The following CPLANE1 variants were observed in gnomAD, a reference collection of about 807,000 sequenced individuals.
CPLANE1 encodes the protein ciliogenesis and planar polarity effector 1.
CPLANE1 carries 263 observed loss-of-function variants against 362.5 expected under a neutral mutation model. The ratio of observed to expected loss-of-function variants is 0.73; its 90% CI spans 0.66 to 0.80. The LOEUF is 0.80. CPLANE1 is among the 30% of genes least tolerant of loss of function. The pLI, the probability that CPLANE1 is intolerant of heterozygous loss-of-function variation, is 0.00. For synonymous variants in CPLANE1, 1,212 were observed against 1,302.6 expected (o/e 0.93, Z 1.50); for missense variants, 3,461 against 3,793.4 (o/e 0.91, Z 2.30).
intron 15 of CPLANE1, among the ~76,000 whole-genome samples, chr5:37,219,833 C>T (rs1411629608): frequency 6.6e-6 from 1 of 151,740 alleles, no homozygotes; most frequent in Non-Finnish European, 1.5e-5. Context: ...TGTCAAAAGG[C>T]CCTAGACAAA....
intron 43 of CPLANE1, among the ~76,000 whole-genome samples, chr5:37,147,421 C>T (rs533249972): frequency 3.3e-5 from 5 of 152,150 alleles, no homozygotes; most frequent in East Asian, 3.9e-4. Context: ...AATCATAATG[C>T]GAACTACAAA....
chr5:37,237,613 A>G (rs914844126), intron 8 of CPLANE1, among the ~76,000 whole-genome samples: 14 of 152,214 alleles, frequency 9.2e-5, no homozygotes, highest in Non-Finnish European at 1.6e-4. Flanking sequence ...TTGGGAGGCC[A>G]AGGCGAGTGG....
chr5:37,220,180 C>A (rs924938643), intron 15 of CPLANE1, among the ~76,000 whole-genome samples: 1 of 151,516 alleles, frequency 6.6e-6, no homozygotes, highest in East Asian at 1.9e-4. Context: ...TGAGCCCAGG[C>A]GCCAGAGGTC....
At chr5:37,223,452 T>C (rs1795778976) in intron 14 of CPLANE1, among the ~76,000 whole-genome samples, 1 of 152,232 alleles carries the variant, frequency 6.6e-6, no homozygotes, top group African/African-American at 2.4e-5. Context: ...GCTGGGCACA[T>C]AGCAGGCACT....
chr5:37,147,133 C>T (rs1381233217), intron 43 of CPLANE1, among the ~76,000 whole-genome samples: 1 of 152,100 alleles, frequency 6.6e-6, no homozygotes, highest in East Asian at 1.9e-4. Context: ...AAAATCTGGA[C>T]AACACAATTT....
chr5:37,129,692 A>G (rs1765214682), intron 46 of CPLANE1, among the ~76,000 whole-genome samples: 1 of 152,208 alleles, frequency 6.6e-6, no homozygotes, highest in Admixed American at 6.5e-5. Flanking sequence ...AAAAACCACA[A>G]TGCAATGCCA....
At chr5:37,242,905 T>C in intron 6 of CPLANE1, 108 bp downstream of exon 6, 1 of 678,986 alleles carries the variant, frequency 1.5e-6, no homozygotes, top group Non-Finnish European at 2.5e-6. Context: ...CTCAGGAGGC[T>C]GAGCTATGAT....
intron 21 of CPLANE1, among the ~76,000 whole-genome samples, chr5:37,193,700 T>C (rs944996369): frequency 6.6e-6 from 1 of 152,096 alleles, no homozygotes; most frequent in Non-Finnish European, 1.5e-5. Context: ...TCTACTATTT[T>C]AGGTAACAAA....
At position 37,183,047 on chromosome 5, in the gene CPLANE1, T is replaced by C. The variant is rs748701119; in HGVS notation, c.5134A>G (p.Ile1712Val). The change falls in exon 26 of 53, where the codon ATT (isoleucine) becomes GTT (valine). Residue 1712 changes from isoleucine (I) to valine (V), a missense_variant. Ile to Val is a conservative substitution (Grantham distance 29, BLOSUM62 3). Transcript: ENST00000651892. ...TTGAAAATACATCTTCTAGTTTTAA[T>C]GGACTTGGGAGTCCAAAAAATGTGG... ...SNHIFWTPKS[I>V]KTRRCIFKAI... 25 of 1,613,354 alleles carry C rather than the reference T, an allele frequency of 1.5e-5. No individual in the cohort carries two copies. The highest frequency in any genetic ancestry group is 4.4e-5 in the South Asian group (4 of 91,058).
Position 37,171,745 on chromosome 5 carries a change from A to ACTCTCT in CPLANE1, c.6172-1420_6172-1415dup, listed in dbSNP as rs56407367. On this transcript the variant is annotated intron_variant, in intron 32 of 52. Coordinates refer to ENST00000651892, the MANE Select transcript of CPLANE1 (RefSeq NM_001384732.1). The stretch of plus-strand genomic sequence containing the variant: ...TTAGTATATTTCCTTTCTCTAGCTT[A>ACTCTCT]CTCTCTCTCTCTCTCTCTCTCTCTC... 3.5e-3 allele frequency among the ~76,000 whole-genome samples: 455 copies of ACTCTCT among 128,382 alleles called. 2 individuals are homozygous for ACTCTCT. The highest frequency in any genetic ancestry group is 4.8e-3 in the East Asian group (20 of 4,176). The allele number at this position is 128,382 out of a possible 152,430, so 84.2% of individuals were successfully genotyped here.
intron 9 of CPLANE1, among the ~76,000 whole-genome samples, chr5:37,229,991 A>AC (rs1321415424): frequency 6.6e-6 from 1 of 152,250 alleles, no homozygotes; most frequent in African/African-American, 2.4e-5. Context: ...AGCCTGACCA[A>AC]CATGGTGAAA....
intron 20 of CPLANE1, among the ~76,000 whole-genome samples, chr5:37,196,583 T>C (rs1391178379): frequency 6.6e-6 from 1 of 152,098 alleles, no homozygotes; most frequent in Non-Finnish European, 1.5e-5. Flanking sequence ...CAAACACATG[T>C]GCCATGTGCG....
At chr5:37,230,218 A>AT (rs1400222469) in intron 9 of CPLANE1, among the ~76,000 whole-genome samples, 7 of 151,154 alleles carry the variant, frequency 4.6e-5, no homozygotes, top group Non-Finnish European at 5.9e-5. Flanking sequence ...AAATTTAAAA[A>AT]TTGAAAAAAA....
At chr5:37,158,774 T>C (rs901018555) in intron 38 of CPLANE1, among the ~76,000 whole-genome samples, 3 of 151,652 alleles carry the variant, frequency 2.0e-5, no homozygotes, top group East Asian at 1.9e-4. Flanking sequence ...GACAGCTTTA[T>C]TGAAACATAA....
Position 37,120,307 on chromosome 5 carries a change from A to C in CPLANE1, c.9219T>G (p.Asn3073Lys), listed in dbSNP as rs761211263. 3.1e-6 allele frequency: 5 copies of C among 1,593,814 alleles called. No homozygotes were observed. Among genetic ancestry groups the C allele is most frequent in the Non-Finnish European group, 4.3e-6 (5 of 1,173,614 alleles). ...ACATATATTTGACTTTTCCAGGTCG[A>C]TTTATTAGAAAACTGTGACCATGTT... is the stretch of plus-strand genomic sequence containing the variant. ...ENQHGHSFLI[N>K]RPGKVKYMSK... The change falls in exon 50 of 53, where the codon AAT becomes AAG. Residue 3073 changes from asparagine (N) to lysine (K), a missense_variant. By Grantham distance (94) the Asn-to-Lys change is moderately conservative (BLOSUM62 0). Transcript: ENST00000651892.
At chr5:37,243,736 AAT>A (rs1365407881) in intron 5 of CPLANE1, among the ~76,000 whole-genome samples, 3 of 146,646 alleles carry the variant, frequency 2.0e-5, no homozygotes, top group African/African-American at 7.4e-5. Flanking sequence ...TATTATATAT[AAT>A]ATATAATATG....
At chr5:37,217,712 C>G (rs911958003) in intron 15 of CPLANE1, among the ~76,000 whole-genome samples, 1 of 151,942 alleles carries the variant, frequency 6.6e-6, no homozygotes, top group East Asian at 1.9e-4. Flanking sequence ...CGAAGTGGCT[C>G]ATGCCTGTAA....
At chr5:37,092,010 T>C in the CPLANE1 span, among the ~76,000 whole-genome samples, 1 of 152,254 alleles carries the variant, frequency 6.6e-6, no homozygotes, top group African/African-American at 2.4e-5. Context: ...TTCCTTGCTA[T>C]GCTCTCTGTT....
chr5:37,211,655 C>A (rs1792636602), intron 16 of CPLANE1: 2 of 802,478 alleles, frequency 2.5e-6, no homozygotes, highest in Admixed American at 1.7e-5. Flanking sequence ...TTGCTTCCCC[C>A]AGTCCTTATC....
Sources: gnomAD v4.1 joint callset for allele counts (sites outside exome capture counted in the v4.1 genomes callset) on GRCh38, gnomAD v4.1.1 for gene constraint, MANE v1.5 for transcripts, NCBI Gene and HGNC (gene_info 2026-07-23, HGNC 2026-07-21) for gene names.